Variants in TMEM259 observed in about 807,000 individuals in gnomAD.
TMEM259 encodes the protein transmembrane protein 259.
A neutral mutation model predicts 46.7 loss-of-function variants in TMEM259; 26 were observed. The observed-to-expected ratio is 0.56, with a 90% CI of 0.41 to 0.77. TMEM259 has a LOEUF of 0.77. Among genes scored for constraint, TMEM259 ranks in the 30% least tolerant of loss-of-function variants. The pLI, the probability that TMEM259 is intolerant of heterozygous loss-of-function variation, is 0.00. For synonymous variants in TMEM259, 494 were observed against 395.1 expected, an observed-to-expected ratio of 1.25 and a Z score of -2.97; for missense variants, 930 against 900.5, an observed-to-expected ratio of 1.03 and a Z score of -0.42.
chr19:1,011,748 G>C lies in TMEM259; in HGVS notation c.993C>G (p.Val331=). 1 of 1,551,378 alleles carries C rather than the reference G, an allele frequency of 6.4e-7. No individual in the cohort carries two copies. Among genetic ancestry groups the C allele is most frequent in the Non-Finnish European group, 8.7e-7 (1 of 1,147,072 alleles). Residue 331 remains valine (V), a synonymous_variant, in exon 7 of 11, where the codon GTC becomes GTG. Transcript: ENST00000356663. ...LLRYSHHQIF[V]FIVDLLQMLE... ...CGCCGGCGGGACACTCACCGATGAA[G>C]ACGAAGATCTGGTGGTGTGAGTACC...
Position 1,014,295 on chromosome 19 carries a change from C to T in TMEM259, c.404G>A (p.Gly135Glu), listed in dbSNP as rs768799873. 6.2e-7 allele frequency: 1 copy of T among 1,612,596 alleles called. No individual in the cohort carries two copies. The highest frequency in any genetic ancestry group is 8.5e-7 in the Non-Finnish European group (1 of 1,179,808). ...TTCCACGGCCAGGCCCGGGAAGCTCCCGCGGCCGCCGCTGTCACAGAACTG... is the reference window on the plus strand; with the variant it reads ...TTCCACGGCCAGGCCCGGGAAGCTCTCGCGGCCGCCGCTGTCACAGAACTG... ...FLQFCDSGGR[G>E]SFPGLAVEPG... The change falls in exon 2 of 11, where the codon GGG becomes GAG. Residue 135 changes from glycine to glutamate, a missense_variant. Gly to Glu is a moderately conservative substitution (Grantham distance 98). Transcript: ENST00000356663.
At position 1,010,668 on chromosome 19, in the gene TMEM259, A is replaced by T. The variant is rs1450786347; in HGVS notation, c.1545T>A (p.Pro515=). The T allele has an allele frequency of 4.6e-6, 7 of 1,535,614 alleles. No individual in the cohort carries two copies. In the Admixed American group the frequency reaches 5.9e-5, roughly 13 times the overall value. Residue 515 remains proline (P), a synonymous_variant, in exon 11 of 11, where the codon CCT becomes CCA. Transcript: ENST00000356663. ...CCAGGGAGCTGGGCGCCGCTGCCAC[A>T]GGCCCGGGACTCCCGCTGGCCCCAG... is the stretch of plus-strand genomic sequence containing the variant. The part of the protein sequence containing the change: ...VSPGASGSPG[P]VAAAPSSLVA...
At chr19:1,011,264 G>A (rs1294026599) in intron 9 of TMEM259, 69 bp from the exon 10 acceptor site, 26 of 1,539,754 alleles carry the variant, frequency 1.7e-5, no homozygotes, top group South Asian at 2.4e-5. Flanking sequence ...TGGGGTTCCC[G>A]CGTGGCGCAG....
rs910938492 is a variant in TMEM259, at chr19:1,010,752, G to A, written c.1461C>T (p.Gly487=). 55 of 1,535,854 alleles carry A rather than the reference G, an allele frequency of 3.6e-5. No homozygotes were observed. Among genetic ancestry groups the A allele is most frequent in the South Asian group, 4.7e-5 (4 of 84,242 alleles). The change falls in exon 11 of 11, where the codon GGC becomes GGT. Residue 487 remains glycine, a synonymous_variant. Coordinates refer to ENST00000356663, the MANE Select transcript of TMEM259 (RefSeq NM_001033026.2). ...CAGAGTCAGGGGCTGTAGCCGGGGCGCCCGAGTTGTTGTTCATGTCATCGG... is the reference window on the plus strand; with the variant it reads ...CAGAGTCAGGGGCTGTAGCCGGGGCACCCGAGTTGTTGTTCATGTCATCGG... ...ALPDDMNNNS[G]APATAPDSAG...
At chr19:1,019,107 G>A (rs148364862) in intron 1 of TMEM259, among the ~76,000 whole-genome samples, 29 of 152,312 alleles carry the variant, frequency 1.9e-4, no homozygotes, top group Non-Finnish European at 2.6e-4. Flanking sequence ...CACAGAAGAC[G>A]GGGAACTCCA....
chr19:1,019,711 G>T (rs1413548704), intron 1 of TMEM259, among the ~76,000 whole-genome samples: 1 of 152,228 alleles, frequency 6.6e-6, no homozygotes, highest in African/African-American at 2.4e-5. Context: ...CACGATCGCA[G>T]CCTGGCCCGC....
rs1033919463 is a variant in TMEM259, at chr19:1,021,015, C to G, written c.-19G>C. 4.4e-6 allele frequency: 6 copies of G among 1,358,062 alleles called. No homozygotes were observed. Among genetic ancestry groups the G allele is most frequent in the Non-Finnish European group, 4.8e-6 (5 of 1,044,042 alleles). 84.1% of individuals were successfully genotyped at this position (1,358,062 alleles called of 1,614,324 possible). The stretch of plus-strand genomic sequence containing the variant: ...CCGACATGCCTCCCAGCGTCGCGCC[C>G]TAACGACCCGCAAGTGTCCGAGGGC... On this transcript the variant is annotated 5_prime_UTR_variant, in exon 1 of 11. It removes the in-frame stop codon of an upstream open reading frame in the 5' UTR. Coordinates refer to ENST00000356663, the MANE Select transcript of TMEM259 (RefSeq NM_001033026.2).
At chr19:1,018,674 A>G (rs2240168) in intron 1 of TMEM259, among the ~76,000 whole-genome samples, 108,776 of 152,042 alleles carry the variant, frequency 0.72, 39,839 homozygotes, top group African/African-American at 0.89. Flanking sequence ...ACCGGGTGGA[A>G]AATTCACAAA....
At chr19:1,014,151 G>C (rs1189593721) in intron 2 of TMEM259, 41 bp downstream of exon 2, 1 of 1,581,366 alleles carries the variant, frequency 6.3e-7, no homozygotes, top group Non-Finnish European at 8.6e-7. Flanking sequence ...GCATCTACGG[G>C]GCGCTGGCCT....
intron 1 of TMEM259, among the ~76,000 whole-genome samples, chr19:1,016,142 A>G (rs926656098): frequency 6.6e-6 from 1 of 152,180 alleles, no homozygotes; most frequent in African/African-American, 2.4e-5. Flanking sequence ...GCAAGAGCAG[A>G]ACCCTGACCG....
At chr19:1,012,683 G>T in intron 3 of TMEM259, 110 bp from the exon 4 acceptor site, 1 of 1,438,508 alleles carries the variant, frequency 7.0e-7, no homozygotes, top group Admixed American at 2.2e-5. Flanking sequence ...GCTGAGCCCT[G>T]GGCCCCAGGT....
Position 1,014,444 on chromosome 19 carries a change from G to A in TMEM259, c.255C>T (p.Tyr85=). The A allele has an allele frequency of 6.2e-7, 1 of 1,611,576 alleles. No individual in the cohort carries two copies. ...GCGAGCGGGAGAAGACGATGTGGAT[G>A]TAGGCCAGGACGAAGAGCACAAACA... ...KALFVLFVLA[Y]IHIVFSRSPI... The change falls in exon 2 of 11, where the codon TAC becomes TAT. Residue 85 remains tyrosine (Y), a synonymous_variant. Transcript: ENST00000356663.
At chr19:1,016,685 A>G (rs545169655) in intron 1 of TMEM259, among the ~76,000 whole-genome samples, 8 of 152,248 alleles carry the variant, frequency 5.3e-5, no homozygotes, top group African/African-American at 1.4e-4. Context: ...CTGAGGTCAC[A>G]TGGCCAGGAG....
intron 1 of TMEM259, among the ~76,000 whole-genome samples, chr19:1,015,997 G>A (rs767168744): frequency 3.3e-5 from 5 of 152,162 alleles, no homozygotes; most frequent in Non-Finnish European, 7.3e-5. Context: ...CACCTGGGGC[G>A]AGCCCCATCA....
rs549702255 is a variant in TMEM259, at chr19:1,010,154, C to A, written c.*196G>T. The A allele has an allele frequency of 1.4e-5, 8 of 551,932 alleles. No homozygotes were observed. The East Asian group carries it at 2.3e-4, about 16-fold the overall frequency. 34.2% of individuals were successfully genotyped at this position (551,932 alleles called of 1,614,324 possible). On this transcript the variant is annotated 3_prime_UTR_variant, in exon 11 of 11. Transcript: ENST00000356663. Reference sequence around the variant, plus strand: ...CTGACCAGCTCAAACACCTCACTAGCGGGTACAAGCCTCGGGCGCGACCTC... The same window carrying A: ...CTGACCAGCTCAAACACCTCACTAGAGGGTACAAGCCTCGGGCGCGACCTC...
chr19:1,017,318 G>C (rs543320011), intron 1 of TMEM259: 7 of 399,350 alleles, frequency 1.8e-5, no homozygotes, highest in Non-Finnish European at 3.1e-5. Context: ...CCCTCTGCCC[G>C]CAACCTGGCT....
rs373820239 is a variant in TMEM259, at chr19:1,012,015, C to T, written c.842-23G>A. ...AGCCTGCAGCAGAAGGAGCCGTGAG[C>T]GCCCGCCCCCACCCGCGCCCTCGCA... is the stretch of plus-strand genomic sequence containing the variant. On this transcript the variant is annotated intron_variant, in intron 5 of 10. Coordinates refer to ENST00000356663, the MANE Select transcript of TMEM259 (RefSeq NM_001033026.2). The T allele has an allele frequency of 5.0e-6, 8 of 1,611,468 alleles. 1 individual carries two copies. Among genetic ancestry groups the T allele is most frequent in the African/African-American group, 4.0e-5 (3 of 74,878 alleles).
chr19:1,013,206 C>A, intron 3 of TMEM259, 35 bp downstream of exon 3: 1 of 1,590,654 alleles, frequency 6.3e-7, no homozygotes, highest in Non-Finnish European at 8.6e-7. Context: ...CTGAGGCAAC[C>A]CCGTGAGGCA....
Position 1,011,506 on chromosome 19 carries a change from GGA to G in TMEM259, c.1085-9_1085-8del. On this transcript the variant is annotated splice_region_variant and splice_polypyrimidine_tract_variant and intron_variant, in intron 8 of 10. Coordinates refer to ENST00000356663, the MANE Select transcript of TMEM259 (RefSeq NM_001033026.2). ...GACATGATGGCCTCCATCCCTGCAG[GGA>G]GAGGCGGCGCCGGTTGAAGCGGGCG... 1 of 1,547,136 alleles carries G rather than the reference GGA, an allele frequency of 6.5e-7. No individual in the cohort carries two copies. The highest frequency in any genetic ancestry group is 8.7e-7 in the Non-Finnish European group (1 of 1,146,420).
Sources: gnomAD v4.1 joint callset for allele counts (sites outside exome capture counted in the v4.1 genomes callset) on GRCh38, gnomAD v4.1.1 for gene constraint, MANE v1.5 for transcripts, NCBI Gene and HGNC (gene_info 2026-07-23, HGNC 2026-07-21) for gene names.